Variants in IL33 observed in about 807,000 individuals in gnomAD.
The protein encoded by IL33 is interleukin 33.
A neutral mutation model predicts 27.3 loss-of-function variants in IL33; 37 were observed. The ratio of observed to expected loss-of-function variants is 1.36; its 90% CI spans 1.04 to 1.78. The LOEUF is 1.78. IL33 is among the 40% of genes most tolerant of loss of function. The probability of loss-of-function intolerance (pLI) is 0.00; values close to 1 mark genes in which losing one functional copy is unlikely to be tolerated. For synonymous variants in IL33, 132 were observed against 102.9 expected, an observed-to-expected ratio of 1.28 and a Z score of -1.71; for missense variants, 406 against 311.4, an observed-to-expected ratio of 1.30 and a Z score of -2.29.
chr9:6,235,026 T>C (rs1819117149), intron 1 of IL33, among the ~76,000 whole-genome samples: 1 of 152,184 alleles, frequency 6.6e-6, no homozygotes, highest in African/African-American at 2.4e-5. Context: ...CCCAAATGTA[T>C]TCTTTTTTCA....
intron 1 of IL33, among the ~76,000 whole-genome samples, chr9:6,218,880 CATATATATATATGTTCTCCATAT>C (rs1818284929): frequency 3.6e-4 from 20 of 56,264 alleles, no homozygotes; most frequent in South Asian, 5.7e-4. Flanking sequence ...ATATGTTCTC[CATATATATATATGTTCTCCATAT>C]ATATATATAT....
At chr9:6,241,418 T>G (rs933244711) in intron 1 of IL33, among the ~76,000 whole-genome samples, 3 of 152,204 alleles carry the variant, frequency 2.0e-5, no homozygotes, top group African/African-American at 7.2e-5. Flanking sequence ...ACAACAGCAC[T>G]AGGTGATAAG....
intron 4 of IL33, 134 bp from the exon 5 acceptor site, chr9:6,252,732 T>C: frequency 3.9e-6 from 4 of 1,015,174 alleles, no homozygotes; most frequent in Non-Finnish European, 5.9e-6. Context: ...AAAACTTGTA[T>C]CAAAGGCTTT....
intron 1 of IL33, among the ~76,000 whole-genome samples, chr9:6,232,932 C>A (rs1252597516): frequency 6.6e-6 from 1 of 152,190 alleles, no homozygotes; most frequent in Non-Finnish European, 1.5e-5. Flanking sequence ...TATGAACAAA[C>A]TCCCATCTTT....
chr9:6,238,459 G>T (rs1819350889), intron 1 of IL33, among the ~76,000 whole-genome samples: 1 of 152,156 alleles, frequency 6.6e-6, no homozygotes. Context: ...TTTTGCACAT[G>T]GGACTGGATG....
At chr9:6,249,316 A>T (rs939707102) in intron 2 of IL33, among the ~76,000 whole-genome samples, 1 of 152,240 alleles carries the variant, frequency 6.6e-6, no homozygotes, top group African/African-American at 2.4e-5. Flanking sequence ...TTAACTCATA[A>T]AATGAATCCC....
intron 2 of IL33, 92 bp from the exon 3 acceptor site, chr9:6,250,382 G>A: frequency 7.1e-7 from 1 of 1,401,114 alleles, no homozygotes; most frequent in East Asian, 2.3e-5. Flanking sequence ...CTGTGAACCT[G>A]TACTTGCTTT....
Position 6,256,075 on chromosome 9 carries a change from A to T in IL33, c.720A>T (p.Ile240=). The T allele has an allele frequency of 6.2e-7, 1 of 1,613,022 alleles. No individual in the cohort carries two copies. The highest frequency in any genetic ancestry group is 8.5e-7 in the Non-Finnish European group (1 of 1,179,064). Residue 240 remains isoleucine, a synonymous_variant, in exon 8 of 8, where the codon ATA becomes ATT. Transcript: ENST00000682010. ...FECKTDPGVF[I]GVKDNHLALI... ...GCAAGACTGATCCTGGAGTGTTTAT[A>T]GGTGTAAAGGATAATCATCTTGCTC...
intron 3 of IL33, among the ~76,000 whole-genome samples, chr9:6,250,824 A>T (rs1234175711): frequency 6.6e-6 from 1 of 152,248 alleles, no homozygotes; most frequent in Non-Finnish European, 1.5e-5. Context: ...AAAGATACAT[A>T]ACTATGTGTA....
At chr9:6,228,114 G>A (rs1249293131) in intron 1 of IL33, among the ~76,000 whole-genome samples, 1 of 152,174 alleles carries the variant, frequency 6.6e-6, no homozygotes, top group East Asian at 1.9e-4. Flanking sequence ...ACTTAGTACA[G>A]TTCTTGGCAC....
chr9:6,247,616 C>T (rs755277863), intron 2 of IL33, among the ~76,000 whole-genome samples: 12 of 152,058 alleles, frequency 7.9e-5, no homozygotes, highest in Middle Eastern at 3.2e-3. Flanking sequence ...TTGCCCTCAG[C>T]GAGCAGGCAG....
At chr9:6,234,216 T>C (rs192836946) in intron 1 of IL33, among the ~76,000 whole-genome samples, 1 of 152,352 alleles carries the variant, frequency 6.6e-6, no homozygotes, top group East Asian at 1.9e-4. Flanking sequence ...CTATCATGCC[T>C]TCACAAATGA....
At chr9:6,235,373 C>G (rs1819143413) in intron 1 of IL33, among the ~76,000 whole-genome samples, 1 of 152,116 alleles carries the variant, frequency 6.6e-6, no homozygotes, top group Admixed American at 6.6e-5. Flanking sequence ...AAAAGTAACA[C>G]TGAGTCAATC....
intron 2 of IL33, among the ~76,000 whole-genome samples, chr9:6,245,421 T>A (rs1286341680): frequency 5.3e-5 from 8 of 152,138 alleles, no homozygotes; most frequent in African/African-American, 1.7e-4. Flanking sequence ...TCTGTTACAG[T>A]AAAGGAGATT....
At chr9:6,223,368 C>A (rs567746795) in intron 1 of IL33, among the ~76,000 whole-genome samples, 10 of 151,744 alleles carry the variant, frequency 6.6e-5, no homozygotes, top group African/African-American at 2.4e-4. Context: ...TACTGGTAAT[C>A]TGCACTTTTT....
At chr9:6,234,092 C>A (rs868014415) in intron 1 of IL33, among the ~76,000 whole-genome samples, 2 of 152,158 alleles carry the variant, frequency 1.3e-5, no homozygotes, top group Admixed American at 6.5e-5. Flanking sequence ...TTATTAACTT[C>A]GTTTCTCCTC....
Position 6,230,625 on chromosome 9 carries a change from C to T in IL33, c.-11-11059C>T, listed in dbSNP as rs556115524. Among the ~76,000 whole-genome samples the T allele has an allele frequency of 5.3e-5, 8 of 152,238 alleles. No individual in the cohort carries two copies. In the East Asian group the frequency reaches 1.4e-3, roughly 26 times the overall value. On this transcript the variant is annotated intron_variant, in intron 1 of 7. Coordinates refer to ENST00000682010, the MANE Select transcript of IL33 (RefSeq NM_033439.4). ...CCAGAATGAAGTCATATTGTGTTGG[C>T]AAACTTAGTCATAATCCCCATTTCC...
At chr9:6,216,138 A>G (rs72614079) in intron 1 of IL33, among the ~76,000 whole-genome samples, 14,046 of 150,584 alleles carry the variant, frequency 0.093, 958 homozygotes, top group East Asian at 0.3. Context: ...ATTTTATTTT[A>G]TGTTTTTTAA....
At chr9:6,248,438 G>C (rs974052577) in intron 2 of IL33, among the ~76,000 whole-genome samples, 11 of 151,872 alleles carry the variant, frequency 7.2e-5, no homozygotes, top group Non-Finnish European at 4.4e-5. Flanking sequence ...GACTGGGTTT[G>C]TTATAAAAGT....
Sources: allele counts gnomAD v4.1 joint callset (sites outside exome capture counted in the v4.1 genomes callset), GRCh38; gene constraint gnomAD v4.1.1; transcripts MANE v1.5; gene names NCBI Gene and HGNC (gene_info 2026-07-23, HGNC 2026-07-21).